The following CA10 variants were observed in gnomAD, a reference collection of about 807,000 sequenced individuals.
CA10 encodes the protein carbonic anhydrase 10 (inactive), also known as carbonic anhydrase-related protein 10.
In CA10, 14 loss-of-function variants were observed where a neutral mutation model predicts 44.2. The observed-to-expected ratio is 0.32, with a 90% CI of 0.21 to 0.50. The LOEUF is 0.50. Ranked by LOEUF, CA10 falls within the 20% of genes least tolerant of loss-of-function variation. The pLI is 0.99. For missense variants in CA10, 350 were observed against 409.7 expected (o/e 0.85, Z 1.26); for synonymous variants, 159 against 141.6 (o/e 1.12, Z -0.87).
chr17:51,764,844 C>T (rs1297179512), intron 3 of CA10, among the ~76,000 whole-genome samples: 1 of 152,152 alleles, frequency 6.6e-6, no homozygotes, highest in Non-Finnish European at 1.5e-5. Flanking sequence ...GGGCAGAGGC[C>T]ACAGAGAGGG....
intron 1 of CA10, among the ~76,000 whole-genome samples, chr17:52,152,839 C>G (rs562852145): frequency 6.6e-6 from 1 of 152,044 alleles, no homozygotes; most frequent in South Asian, 2.1e-4. Flanking sequence ...TTGAAATAGG[C>G]AAAGCAAATA....
At chr17:51,929,808 T>C (rs1295758257) in intron 3 of CA10, among the ~76,000 whole-genome samples, 1 of 152,178 alleles carries the variant, frequency 6.6e-6, no homozygotes, top group Non-Finnish European at 1.5e-5. Flanking sequence ...TAGCATCGTT[T>C]TATATGGAAT....
chr17:51,638,862 T>C (rs1468118), intron 6 of CA10, among the ~76,000 whole-genome samples: 66,679 of 151,770 alleles, frequency 0.44, 14,789 homozygotes, highest in South Asian at 0.57. Context: ...TCGGGTAGGG[T>C]GTCAAGGCCA....
intron 2 of CA10, among the ~76,000 whole-genome samples, chr17:52,051,499 G>A (rs576212811): frequency 3.4e-5 from 5 of 148,062 alleles, no homozygotes; most frequent in South Asian, 2.1e-4. Context: ...GAACATTTTC[G>A]ACAGAAGACA....
At chr17:51,821,473 G>A (rs939025638) in intron 3 of CA10, among the ~76,000 whole-genome samples, 17 of 151,852 alleles carry the variant, frequency 1.1e-4, no homozygotes, top group Non-Finnish European at 2.4e-4. Flanking sequence ...ATCATTTGTC[G>A]TCTCCCCGCA....
At chr17:51,862,471 G>A (rs188513340) in intron 3 of CA10, among the ~76,000 whole-genome samples, 2 of 151,976 alleles carry the variant, frequency 1.3e-5, no homozygotes, top group Non-Finnish European at 2.9e-5. Context: ...CCACCTCAAG[G>A]TGTGCATTAT....
intron 3 of CA10, among the ~76,000 whole-genome samples, chr17:51,759,573 C>T (rs1905166033): frequency 6.6e-6 from 1 of 151,524 alleles, no homozygotes; most frequent in Admixed American, 6.6e-5. Context: ...ATCTCAGCAC[C>T]TGAACAATGT....
chr17:51,884,031 C>CA (rs1459375155), intron 3 of CA10, among the ~76,000 whole-genome samples: 14 of 152,184 alleles, frequency 9.2e-5, no homozygotes, highest in African/African-American at 3.4e-4. Flanking sequence ...CCCTTGTAGT[C>CA]ATCCTTGACC....
intron 3 of CA10, among the ~76,000 whole-genome samples, chr17:51,805,882 G>A (rs1907113015): frequency 1.3e-5 from 2 of 152,166 alleles, no homozygotes; most frequent in Non-Finnish European, 2.9e-5. Flanking sequence ...CTTTATGACT[G>A]AGCAAATGAG....
At chr17:51,735,326 A>AG (rs1281611403) in intron 4 of CA10, among the ~76,000 whole-genome samples, 4 of 152,164 alleles carry the variant, frequency 2.6e-5, no homozygotes, top group Admixed American at 2.6e-4. Flanking sequence ...CTCACTCATA[A>AG]GTGGGAGCTA....
intron 3 of CA10, among the ~76,000 whole-genome samples, chr17:51,851,909 C>T (rs1412769375): frequency 6.6e-6 from 1 of 152,182 alleles, no homozygotes; most frequent in Non-Finnish European, 1.5e-5. Flanking sequence ...AACTTTCCTT[C>T]CCCACTTTTA....
At chr17:51,751,562 C>T (rs1263945) in intron 3 of CA10, among the ~76,000 whole-genome samples, 61,091 of 152,008 alleles carry the variant, frequency 0.4, 13,437 homozygotes, top group Middle Eastern at 0.54. Flanking sequence ...GGCATGGGTG[C>T]CTAGGTGATA....
intron 3 of CA10, among the ~76,000 whole-genome samples, chr17:51,795,678 T>A (rs1456177609): frequency 6.6e-6 from 1 of 152,198 alleles, no homozygotes; most frequent in African/African-American, 2.4e-5. Flanking sequence ...AGGACCCAAG[T>A]GCCTTTACTA....
intron 3 of CA10, among the ~76,000 whole-genome samples, chr17:51,875,215 T>C (rs560995949): frequency 2.0e-5 from 3 of 152,168 alleles, no homozygotes. Flanking sequence ...ACTCTTATAC[T>C]GCCCAAGTTA....
intron 3 of CA10, among the ~76,000 whole-genome samples, chr17:51,848,429 C>A (rs1368031540): frequency 6.6e-6 from 1 of 152,204 alleles, no homozygotes; most frequent in East Asian, 1.9e-4. Context: ...CTGATATTAA[C>A]TATCTGTTGA....
rs1907461809 is a variant in CA10 at position 51,813,756 on chromosome 17, T to C, written c.280-65938A>G. On this transcript the variant is annotated intron_variant, in intron 3 of 8. Coordinates refer to ENST00000451037, the MANE Select transcript of CA10 (RefSeq NM_020178.5). ...CCCACACTAGAATCCTAATGTCCCA[T>C]AGGATATACCGGCTTTTCCAACCAC... 2.0e-5 allele frequency among the ~76,000 whole-genome samples: 3 copies of C among 152,168 alleles called. No individual in the cohort carries two copies. The South Asian group carries it at 6.2e-4, about 32-fold the overall frequency.
chr17:52,157,638 G>T, intron 1 of CA10, 88 bp downstream of exon 1: 1 of 1,214,414 alleles, frequency 8.2e-7, no homozygotes, highest in Non-Finnish European at 1.2e-6. Context: ...CCCTCTCTCT[G>T]CCCCGCGGCT....
At chr17:51,817,269 C>T (rs1182640848) in intron 3 of CA10, among the ~76,000 whole-genome samples, 1 of 152,174 alleles carries the variant, frequency 6.6e-6, no homozygotes, top group Non-Finnish European at 1.5e-5. Context: ...TAAAGTTTCA[C>T]TGGAATGCAG....
At chr17:51,714,596 G>C (rs1025311849) in intron 4 of CA10, among the ~76,000 whole-genome samples, 1 of 152,154 alleles carries the variant, frequency 6.6e-6, no homozygotes, top group African/African-American at 2.4e-5. Flanking sequence ...AGACACACTG[G>C]TTTCAAACAT....
Sources: allele counts gnomAD v4.1 joint callset (sites outside exome capture counted in the v4.1 genomes callset), GRCh38; gene constraint gnomAD v4.1.1; transcripts MANE v1.5; gene names NCBI Gene and HGNC (gene_info 2026-07-23, HGNC 2026-07-21).